TRAPPC9: variants seen among roughly 807,000 people sequenced by gnomAD.
TRAPPC9 encodes IKK2 binding protein.
A neutral mutation model predicts 124.0 loss-of-function variants in TRAPPC9; 83 were observed. The ratio of observed to expected loss-of-function variants is 0.67; its 90% confidence interval spans 0.56 to 0.80. The LOEUF (loss-of-function observed/expected upper bound fraction) is 0.80, where lower values mean the gene tolerates loss of function less well. Among genes scored for constraint, TRAPPC9 ranks in the 30% least tolerant of loss-of-function variants. The probability of loss-of-function intolerance (pLI) is 0.00; values close to 1 mark genes in which losing one functional copy is unlikely to be tolerated. For synonymous variants in TRAPPC9, 638 were observed against 617.5 expected, an observed-to-expected ratio of 1.03 and a Z score of -0.49; for missense variants, 1,302 against 1,508.3, an observed-to-expected ratio of 0.86 and a Z score of 2.27.
At chr8:139,889,757 C>A (rs890053309) in intron 20 of TRAPPC9, among the ~76,000 whole-genome samples, 5 of 152,166 alleles carry the variant, frequency 3.3e-5, no homozygotes, top group Non-Finnish European at 7.3e-5. Context: ...CGCAGGGTAG[C>A]GGCATCTGAG....
chr8:139,849,682 T>G (rs1480243825), intron 21 of TRAPPC9, among the ~76,000 whole-genome samples: 1 of 152,262 alleles, frequency 6.6e-6, no homozygotes, highest in African/African-American at 2.4e-5. Flanking sequence ...GAACGTTTTC[T>G]GAGCGTGTCC....
chr8:140,094,942 A>G (rs975879854), intron 17 of TRAPPC9: 3 of 152,272 alleles, frequency 2.0e-5, no homozygotes, highest in African/African-American at 7.2e-5. Context: ...GGGTACTCAA[A>G]AATATGGCTG....
intron 17 of TRAPPC9, among the ~76,000 whole-genome samples, chr8:140,041,897 AG>A (rs1419392718): frequency 6.6e-6 from 1 of 152,004 alleles, no homozygotes; most frequent in Admixed American, 6.6e-5. Context: ...GCTTGAACCC[AG>A]GGGTGGAGGT....
chr8:139,835,150 T>C (rs1826250221), intron 21 of TRAPPC9, among the ~76,000 whole-genome samples: 1 of 152,206 alleles, frequency 6.6e-6, no homozygotes, highest in South Asian at 2.1e-4. Context: ...CTTGGAGCCT[T>C]GGACTAGAGC....
At chr8:139,836,427 G>T (rs1260355591) in intron 21 of TRAPPC9, among the ~76,000 whole-genome samples, 1 of 150,170 alleles carries the variant, frequency 6.7e-6, no homozygotes, top group African/African-American at 2.5e-5. Context: ...ATTCTCCCCA[G>T]GGGCAAGTGC....
intron 17 of TRAPPC9, among the ~76,000 whole-genome samples, chr8:140,070,731 G>A (rs1843116852): frequency 6.6e-6 from 1 of 152,144 alleles, no homozygotes. Context: ...CAGCAGGGCT[G>A]TCCCCTAAAG....
At chr8:139,769,369 G>A (rs144713628) in intron 21 of TRAPPC9, among the ~76,000 whole-genome samples, 252 of 152,300 alleles carry the variant, frequency 1.7e-3, no homozygotes, top group African/African-American at 5.3e-3. Context: ...CTGATCTGAC[G>A]GCAGACACCT....
At chr8:140,329,813 G>A (rs1211535919) in intron 9 of TRAPPC9, among the ~76,000 whole-genome samples, 1 of 152,062 alleles carries the variant, frequency 6.6e-6, no homozygotes, top group African/African-American at 2.4e-5. Context: ...AGGCATGGTG[G>A]CTCACACCTG....
intron 7 of TRAPPC9, among the ~76,000 whole-genome samples, chr8:140,389,787 GT>G (rs2068869940): frequency 6.9e-6 from 1 of 145,838 alleles, no homozygotes; most frequent in Non-Finnish European, 1.5e-5. Flanking sequence ...CTGCCTCATT[GT>G]AAAAAAGGAT....
intron 16 of TRAPPC9, among the ~76,000 whole-genome samples, chr8:140,232,555 A>C (rs1275457321): frequency 1.3e-5 from 2 of 152,180 alleles, no homozygotes; most frequent in Non-Finnish European, 2.9e-5. Flanking sequence ...AATTTGCTGA[A>C]AGGAGCACTA....
intron 20 of TRAPPC9, among the ~76,000 whole-genome samples, chr8:139,888,006 C>A (rs541613369): frequency 6.6e-6 from 1 of 152,242 alleles, no homozygotes; most frequent in Admixed American, 6.5e-5. Context: ...ACCTGACACC[C>A]GTGGGCCTGC....
At chr8:140,118,635 C>T (rs896946500) in intron 17 of TRAPPC9, among the ~76,000 whole-genome samples, 9 of 152,178 alleles carry the variant, frequency 5.9e-5, no homozygotes, top group African/African-American at 9.6e-5. Context: ...CCTCCACCTG[C>T]GGGTCTGGAG....
intron 5 of TRAPPC9, among the ~76,000 whole-genome samples, chr8:140,419,428 CAAAAAAAA>C (rs61155157): frequency 2.5e-4 from 20 of 79,592 alleles, no homozygotes; most frequent in African/African-American, 8.0e-4. Flanking sequence ...GACTCCGTCT[CAAAAAAAA>C]AAAAAAAAAA....
At chr8:139,926,615 A>AAT (rs1554674042) in intron 19 of TRAPPC9, among the ~76,000 whole-genome samples, 3 of 151,612 alleles carry the variant, frequency 2.0e-5, no homozygotes, top group Non-Finnish European at 2.9e-5. Context: ...AATAAAAAAA[A>AAT]AAAAAAAACT....
intron 17 of TRAPPC9, among the ~76,000 whole-genome samples, chr8:140,035,322 A>G (rs1271819720): frequency 6.6e-6 from 1 of 152,228 alleles, no homozygotes; most frequent in African/African-American, 2.4e-5. Context: ...GCACTTCATC[A>G]GACTTCCGGC....
chr8:140,071,661 C>T (rs538501168), intron 17 of TRAPPC9, among the ~76,000 whole-genome samples: 3 of 152,132 alleles, frequency 2.0e-5, no homozygotes, highest in African/African-American at 7.2e-5. Flanking sequence ...CCCACAGGGT[C>T]TCTGGGGGTT....
intron 17 of TRAPPC9, among the ~76,000 whole-genome samples, chr8:140,070,840 G>C (rs1430126898): frequency 6.6e-6 from 1 of 152,156 alleles, no homozygotes; most frequent in Non-Finnish European, 1.5e-5. Context: ...AACAAGCATT[G>C]CCAGGCAGCT....
chr8:140,406,566 G>A (rs1477056578), intron 5 of TRAPPC9, among the ~76,000 whole-genome samples: 2 of 152,118 alleles, frequency 1.3e-5, no homozygotes, highest in Non-Finnish European at 2.9e-5. Context: ...TCTAATCTTG[G>A]TCCAGTTTTT....
intron 17 of TRAPPC9, among the ~76,000 whole-genome samples, chr8:140,072,276 G>A (rs113380462): frequency 1.2e-3 from 176 of 152,254 alleles, no homozygotes; most frequent in African/African-American, 4.1e-3. Flanking sequence ...GGCTCATGCC[G>A]TAATCCTAGC....
Sources: gnomAD v4.1 joint callset for allele counts (sites outside exome capture counted in the v4.1 genomes callset) on GRCh38, gnomAD v4.1.1 for gene constraint, MANE v1.5 for transcripts, NCBI Gene and HGNC (gene_info 2026-07-23, HGNC 2026-07-21) for gene names.